AUTS2: variants seen among roughly 807,000 people sequenced by gnomAD.
AUTS2 encodes the protein activator of transcription and developmental regulator AUTS2.
Under a neutral mutation model 112.4 loss-of-function variants are expected in AUTS2, and 17 were observed. That is an observed-to-expected ratio of 0.15 (90% CI 0.10 to 0.23). The LOEUF is 0.23. AUTS2 is among the 10% of genes least tolerant of loss of function. The pLI is 1.00. For missense variants in AUTS2, 1,510 were observed against 1,701.6 expected, an observed-to-expected ratio of 0.89 and a Z score of 1.98; for synonymous variants, 751 against 702.7, an observed-to-expected ratio of 1.07 and a Z score of -1.09.
intron 4 of AUTS2, among the ~76,000 whole-genome samples, chr7:70,223,049 G>T (rs1249231550): frequency 1.3e-5 from 2 of 151,770 alleles, no homozygotes; most frequent in East Asian, 3.9e-4. Context: ...CACCACACCC[G>T]GCTAATTTTT....
chr7:69,665,619 G>A (rs146019864), intron 1 of AUTS2, among the ~76,000 whole-genome samples: 1 of 152,054 alleles, frequency 6.6e-6, no homozygotes. Flanking sequence ...CTTCCCAGAC[G>A]GTGCTCTGTG....
intron 5 of AUTS2, among the ~76,000 whole-genome samples, chr7:70,591,726 G>A (rs190001439): frequency 1.2e-4 from 19 of 152,252 alleles, no homozygotes; most frequent in East Asian, 7.7e-4. Context: ...TGCTCCATGC[G>A]TTTGTTTATG....
chr7:70,781,364 C>CAA (rs756708435), intron 14 of AUTS2: 5,178 of 122,406 alleles, frequency 0.042, 33 homozygotes, highest in South Asian at 0.077. Context: ...GACTCCGTCA[C>CAA]AAAAAAAAAA....
rs1402581098 is a variant in AUTS2 at position 70,694,155 on chromosome 7, C to G, written c.691-4414C>G. Reference sequence around the variant, plus strand: ...CCGCCCCCTCCTGCTACCGTCCAGCCAGGGAGCCCGCGGCGGCCGCCGATG... The same window carrying G: ...CCGCCCCCTCCTGCTACCGTCCAGCGAGGGAGCCCGCGGCGGCCGCCGATG... On this transcript the variant is annotated intron_variant, in intron 5 of 18. Transcript: ENST00000342771. This position sits in a 1 kb window ranked among gnomAD's most constrained non-coding sequence, Gnocchi z 4.1. The G allele has an allele frequency of 1.3e-5, 2 of 151,182 alleles. No homozygotes were observed. The highest frequency in any genetic ancestry group is 2.4e-5 in the African/African-American group (1 of 41,344). The allele number at this position is 151,182 out of a possible 1,614,324, so 9.4% of individuals were successfully genotyped here. A position where few individuals can be genotyped will look rare whatever the true frequency, so the allele number is the denominator to read the frequency against.
intron 5 of AUTS2, among the ~76,000 whole-genome samples, chr7:70,454,683 T>C (rs1019522253): frequency 3.9e-5 from 6 of 152,208 alleles, no homozygotes; most frequent in African/African-American, 1.4e-4. Flanking sequence ...TCAGTCACAC[T>C]GATAAACCAC....
chr7:70,580,870 G>T (rs1441917033), intron 5 of AUTS2, among the ~76,000 whole-genome samples: 1 of 152,158 alleles, frequency 6.6e-6, no homozygotes, highest in Non-Finnish European at 1.5e-5. Context: ...TGTATTTAAA[G>T]TTTTGTTTGT....
intron 1 of AUTS2, among the ~76,000 whole-genome samples, chr7:69,754,628 A>G (rs955078734): frequency 1.3e-5 from 2 of 152,142 alleles, no homozygotes; most frequent in East Asian, 1.9e-4. Context: ...TATTTAGGTC[A>G]TCTCCAGTGC....
intron 5 of AUTS2, among the ~76,000 whole-genome samples, chr7:70,493,576 A>G (rs573292121): frequency 6.6e-6 from 1 of 152,292 alleles, no homozygotes; most frequent in East Asian, 1.9e-4. Flanking sequence ...GGAAAATACT[A>G]ACTTGCTCCC....
intron 1 of AUTS2, among the ~76,000 whole-genome samples, chr7:69,828,608 C>A (rs1791361920): frequency 6.6e-6 from 1 of 152,052 alleles, no homozygotes; most frequent in Admixed American, 6.5e-5. Context: ...ACTATCTTAC[C>A]CCATTCATAC....
intron 2 of AUTS2, among the ~76,000 whole-genome samples, chr7:69,916,954 T>C (rs1795602725): frequency 6.6e-6 from 1 of 152,256 alleles, no homozygotes; most frequent in African/African-American, 2.4e-5. Context: ...AGAGTTTTCA[T>C]TGACTTTACT....
chr7:69,877,178 A>G (rs1793841590), intron 1 of AUTS2, among the ~76,000 whole-genome samples: 1 of 152,152 alleles, frequency 6.6e-6, no homozygotes, highest in African/African-American at 2.4e-5. Flanking sequence ...TTGATTTATA[A>G]TGTCTAGTTA....
intron 1 of AUTS2, among the ~76,000 whole-genome samples, chr7:69,831,673 A>G (rs902316847): frequency 1.3e-5 from 2 of 150,622 alleles, no homozygotes; most frequent in African/African-American, 2.4e-5. Flanking sequence ...TTGTCTTGGC[A>G]TTGCTTTGAT....
intron 5 of AUTS2, among the ~76,000 whole-genome samples, chr7:70,525,831 A>T (rs919788650): frequency 6.6e-6 from 1 of 152,192 alleles, no homozygotes; most frequent in East Asian, 1.9e-4. Flanking sequence ...GAGTGAGGAG[A>T]TGGGCACCTC....
chr7:69,850,062 A>T (rs1165469256), intron 1 of AUTS2, among the ~76,000 whole-genome samples: 1 of 152,060 alleles, frequency 6.6e-6, no homozygotes, highest in Non-Finnish European at 1.5e-5. Flanking sequence ...TGGGAGGCCG[A>T]GGCGGGTGGA....
intron 1 of AUTS2, among the ~76,000 whole-genome samples, chr7:69,704,579 CATTAT>C (rs1797973679): frequency 6.6e-6 from 1 of 152,114 alleles, no homozygotes; most frequent in Non-Finnish European, 1.5e-5. Context: ...TCTAAAATAC[CATTAT>C]AGCCTAATTT....
chr7:70,598,222 T>C (rs930669418), intron 5 of AUTS2, among the ~76,000 whole-genome samples: 3 of 152,174 alleles, frequency 2.0e-5, no homozygotes, highest in African/African-American at 7.2e-5. Flanking sequence ...CCCTCTCCCC[T>C]AGTCCTGTTT....
chr7:70,307,874 AT>A (rs907162388), intron 4 of AUTS2, among the ~76,000 whole-genome samples: 2 of 152,058 alleles, frequency 1.3e-5, no homozygotes, highest in African/African-American at 4.8e-5. Context: ...AAAAAAAAAA[AT>A]GTTTACCTTT....
intron 5 of AUTS2, among the ~76,000 whole-genome samples, chr7:70,690,356 A>G (rs113590723): frequency 1.1e-3 from 162 of 152,344 alleles, no homozygotes; most frequent in African/African-American, 3.8e-3. Flanking sequence ...AGTTGGAGTT[A>G]TCACCCTCCT....
At chr7:69,755,272 G>GT (rs1217613577) in intron 1 of AUTS2, among the ~76,000 whole-genome samples, 1 of 152,210 alleles carries the variant, frequency 6.6e-6, no homozygotes, top group East Asian at 1.9e-4. Context: ...TGCAAGGCAA[G>GT]TGCCTGAGGC....
Sources: allele counts gnomAD v4.1 joint callset (sites outside exome capture counted in the v4.1 genomes callset), GRCh38; gene constraint gnomAD v4.1.1; non-coding constraint Gnocchi (gnomAD v3.1); transcripts MANE v1.5; gene names NCBI Gene and HGNC (gene_info 2026-07-23, HGNC 2026-07-21).